The following LMNTD1 variants were observed in gnomAD, a reference collection of about 807,000 sequenced individuals.
LMNTD1 encodes lamin tail domain-containing protein 1.
A neutral mutation model predicts 50.9 loss-of-function variants in LMNTD1; 35 were observed. The ratio of observed to expected loss-of-function variants is 0.69; its 90% confidence interval spans 0.53 to 0.91. LMNTD1 has a LOEUF of 0.91. Ranked by LOEUF, LMNTD1 falls within the 40% of genes least tolerant of loss-of-function variation. The pLI is 0.00. For synonymous variants in LMNTD1, 153 were observed against 161.9 expected (o/e 0.94, Z 0.42); for missense variants, 470 against 475.5 (o/e 0.99, Z 0.11).
At chr12:25,575,429 G>T (rs1261914982) in intron 1 of LMNTD1, among the ~76,000 whole-genome samples, 2 of 152,132 alleles carry the variant, frequency 1.3e-5, no homozygotes, top group Non-Finnish European at 2.9e-5. Context: ...TTCCATAAGA[G>T]ATTCATTCCA....
chr12:25,608,096 CT>C (rs1946156131), intron 1 of LMNTD1, among the ~76,000 whole-genome samples: 1 of 152,138 alleles, frequency 6.6e-6, no homozygotes. Flanking sequence ...TAATGGCCTT[CT>C]TTGTCTCTTT....
At chr12:25,484,010 T>A (rs1047633467) in intron 9 of LMNTD1, among the ~76,000 whole-genome samples, 1 of 151,950 alleles carries the variant, frequency 6.6e-6, no homozygotes, top group African/African-American at 2.4e-5. Flanking sequence ...AACCTCAAAC[T>A]TGACAGATGA....
intron 8 of LMNTD1, among the ~76,000 whole-genome samples, chr12:25,512,666 G>C (rs1357599087): frequency 1.3e-5 from 2 of 152,150 alleles, no homozygotes; most frequent in Non-Finnish European, 2.9e-5. Context: ...TCTTAGGATA[G>C]GGGGAGGATA....
At chr12:25,636,772 T>C (rs1283947635) in intron 1 of LMNTD1, among the ~76,000 whole-genome samples, 2 of 151,674 alleles carry the variant, frequency 1.3e-5, no homozygotes, top group East Asian at 3.9e-4. Context: ...GAAACTGTGG[T>C]ATATATATAT....
chr12:25,604,209 G>T (rs1337286551), intron 1 of LMNTD1, among the ~76,000 whole-genome samples: 1 of 151,956 alleles, frequency 6.6e-6, no homozygotes, highest in Non-Finnish European at 1.5e-5. Context: ...TTTTCTTACA[G>T]CTTTCACTTC....
chr12:25,648,331 T>C (rs957208317), intron 1 of LMNTD1, among the ~76,000 whole-genome samples: 1 of 152,236 alleles, frequency 6.6e-6, no homozygotes, highest in Admixed American at 6.5e-5. Flanking sequence ...CATGCCATTT[T>C]TATTACTTTA....
chr12:25,561,237 G>T (rs937987684), intron 1 of LMNTD1, among the ~76,000 whole-genome samples: 1 of 151,872 alleles, frequency 6.6e-6, no homozygotes, highest in African/African-American at 2.4e-5. Flanking sequence ...GTGATGTTAG[G>T]GTGTCAATTT....
chr12:25,529,726 G>A (rs1328920844), intron 4 of LMNTD1, among the ~76,000 whole-genome samples: 2 of 152,034 alleles, frequency 1.3e-5, no homozygotes, highest in Admixed American at 1.3e-4. Context: ...TGCTTCCAGA[G>A]CAATCTTTGT....
At chr12:25,627,584 A>G (rs1946618148) in intron 1 of LMNTD1, among the ~76,000 whole-genome samples, 1 of 152,178 alleles carries the variant, frequency 6.6e-6, no homozygotes, top group Admixed American at 6.5e-5. Context: ...AGATCCTCAC[A>G]TGTCACACAC....
At chr12:25,625,655 A>G (rs994169101) in intron 1 of LMNTD1, among the ~76,000 whole-genome samples, 1 of 152,144 alleles carries the variant, frequency 6.6e-6, no homozygotes, top group Non-Finnish European at 1.5e-5. Context: ...TCCCCGGCTT[A>G]CTACTCATCT....
At chr12:25,519,586 T>TTAAAAAAA (rs781742784) in intron 7 of LMNTD1, among the ~76,000 whole-genome samples, 1 of 74,956 alleles carries the variant, frequency 1.3e-5, no homozygotes, top group Admixed American at 1.5e-4. Flanking sequence ...AGACTCTGTC[T>TTAAAAAAA]CAAAAAAAAA....
At chr12:25,636,680 C>T (rs769539663) in intron 1 of LMNTD1, among the ~76,000 whole-genome samples, 1 of 152,152 alleles carries the variant, frequency 6.6e-6, no homozygotes, top group Non-Finnish European at 1.5e-5. Context: ...GACACTTGCA[C>T]ATGCATGTTA....
At chr12:25,574,770 T>G (rs1374595420) in intron 1 of LMNTD1, among the ~76,000 whole-genome samples, 3 of 152,164 alleles carry the variant, frequency 2.0e-5, no homozygotes, top group African/African-American at 7.2e-5. Flanking sequence ...TGAGCATCTT[T>G]ATTCCTTCTC....
chr12:25,531,868 C>T (rs1942249767), intron 4 of LMNTD1, among the ~76,000 whole-genome samples: 1 of 152,142 alleles, frequency 6.6e-6, no homozygotes, highest in South Asian at 2.1e-4. Context: ...GAGAATATTC[C>T]AGTTCAGTGA....
chr12:25,627,351 C>T (rs1456270922), intron 1 of LMNTD1, among the ~76,000 whole-genome samples: 2 of 152,132 alleles, frequency 1.3e-5, no homozygotes, highest in African/African-American at 2.4e-5. Context: ...TAAGCGCAGA[C>T]ATTGTTAAAG....
intron 1 of LMNTD1, among the ~76,000 whole-genome samples, chr12:25,637,490 G>C (rs141721462): frequency 6.6e-6 from 1 of 152,048 alleles, no homozygotes; most frequent in South Asian, 2.1e-4. Flanking sequence ...ATTCACTACA[G>C]AACTTTAACG....
At chr12:25,573,295 C>A (rs1280582207) in intron 1 of LMNTD1, among the ~76,000 whole-genome samples, 1 of 152,112 alleles carries the variant, frequency 6.6e-6, no homozygotes, top group Non-Finnish European at 1.5e-5. Flanking sequence ...TTGCCTACTA[C>A]AAGTTCCAGA....
At chr12:25,563,605 A>G (rs1266213053) in intron 1 of LMNTD1, among the ~76,000 whole-genome samples, 3 of 152,174 alleles carry the variant, frequency 2.0e-5, no homozygotes, top group Admixed American at 1.3e-4. Flanking sequence ...GACCCACTTG[A>G]GGAGGGAGTC....
intron 1 of LMNTD1, among the ~76,000 whole-genome samples, chr12:25,603,714 C>T (rs1474937312): frequency 6.6e-6 from 1 of 152,042 alleles, no homozygotes; most frequent in African/African-American, 2.4e-5. Context: ...AATAAATATA[C>T]ACAAATAGCA....
Sources: gnomAD v4.1 joint callset for allele counts (sites outside exome capture counted in the v4.1 genomes callset) on GRCh38, gnomAD v4.1.1 for gene constraint, MANE v1.5 for transcripts, NCBI Gene and HGNC (gene_info 2026-07-23, HGNC 2026-07-21) for gene names.